SCN9A: variants seen among roughly 807,000 people sequenced by gnomAD.
SCN9A encodes sodium channel protein type 9 subunit alpha.
A neutral mutation model predicts 187.0 loss-of-function variants in SCN9A; 131 were observed. That is an observed-to-expected ratio of 0.70 (90% CI 0.61 to 0.81). The LOEUF (loss-of-function observed/expected upper bound fraction) is 0.81, where lower values mean the gene tolerates loss of function less well. SCN9A is among the 30% of genes least tolerant of loss of function. The pLI, the probability that SCN9A is intolerant of heterozygous loss-of-function variation, is 0.00. For missense variants in SCN9A, 2,252 were observed against 2,396.6 expected, an observed-to-expected ratio of 0.94 and a Z score of 1.26; for synonymous variants, 809 against 808.6, an observed-to-expected ratio of 1.00 and a Z score of -0.01.
chr2:166,227,540 C>T (rs1694890394), intron 23 of SCN9A, 130 bp downstream of exon 23: 5 of 666,490 alleles, frequency 7.5e-6, no homozygotes, highest in Non-Finnish European at 1.1e-5. Flanking sequence ...CACTAGGCTA[C>T]TATCAGGTGG....
At position 166,242,493 on chromosome 2, in the gene SCN9A, A is replaced by T. The variant is rs1695608870; in HGVS notation, c.3627+9T>A. ...ATCAATATATTGACTTAGGTGTCAG[A>T]TCATTTACCAGGGCACCACTGCTGA... On this transcript the variant is annotated intron_variant, in intron 19 of 26. Transcript: ENST00000642356. 6.4e-7 allele frequency: 1 copy of T among 1,566,004 alleles called. No individual in the cohort carries two copies. The highest frequency in any genetic ancestry group is 8.7e-7 in the Non-Finnish European group (1 of 1,153,472).
At chr2:166,267,407 G>T (rs1696788312) in intron 17 of SCN9A, among the ~76,000 whole-genome samples, 1 of 151,834 alleles carries the variant, frequency 6.6e-6, no homozygotes, top group South Asian at 2.1e-4. Context: ...ACGATTTCCA[G>T]TTGAGCATGG....
At chr2:166,292,378 T>G (rs1559018647) in intron 9 of SCN9A, among the ~76,000 whole-genome samples, 1 of 152,134 alleles carries the variant, frequency 6.6e-6, no homozygotes, top group Non-Finnish European at 1.5e-5. Flanking sequence ...TATTTGTGTT[T>G]CTTTAATTTT....
intron 1 of SCN9A, among the ~76,000 whole-genome samples, chr2:166,363,085 C>G (rs1401909631): frequency 6.6e-6 from 1 of 151,966 alleles, no homozygotes; most frequent in Non-Finnish European, 1.5e-5. Context: ...TAAACACTAA[C>G]CTTAAAACTT....
intron 1 of SCN9A, among the ~76,000 whole-genome samples, chr2:166,340,595 TTTCTTTC>T (rs1164723543): frequency 1.3e-5 from 1 of 78,212 alleles, no homozygotes; most frequent in East Asian, 3.1e-4. Flanking sequence ...TCTTTCTTTC[TTTCTTTC>T]TTTTTCTTTC....
intron 24 of SCN9A, among the ~76,000 whole-genome samples, chr2:166,209,483 T>TAC (rs570218645): frequency 3.7e-4 from 56 of 151,882 alleles, no homozygotes; most frequent in African/African-American, 1.2e-3. Flanking sequence ...AAAGAAACTA[T>TAC]ACACACACAC....
chr2:166,235,892 C>G (rs568069913), intron 20 of SCN9A, among the ~76,000 whole-genome samples: 4 of 152,088 alleles, frequency 2.6e-5, no homozygotes, highest in African/African-American at 9.7e-5. Context: ...TGAGAATCAT[C>G]ACTTTAAATT....
Position 166,195,224 on chromosome 2 carries a change from ATG to A in SCN9A, c.*3446_*3447del, listed in dbSNP as rs1221150927. On this transcript the variant is annotated 3_prime_UTR_variant, in exon 27 of 27. Transcript: ENST00000642356. ...ACTTTTATTCTTAGATTATATTACAATGTGTCAGTCTCAAGTATAACTACAAT... is the reference window on the plus strand; with the variant it reads ...ACTTTTATTCTTAGATTATATTACAATGTCAGTCTCAAGTATAACTACAAT... 6.6e-6 allele frequency: 1 copy of A among 152,226 alleles called. No homozygotes were observed. Among genetic ancestry groups the A allele is most frequent in the Non-Finnish European group, 1.5e-5 (1 of 68,038 alleles). 9.4% of individuals were successfully genotyped at this position (152,226 alleles called of 1,614,324 possible).
intron 7 of SCN9A, chr2:166,302,846 AT>A (rs1698615693): frequency 4.1e-6 from 1 of 242,070 alleles, no homozygotes; most frequent in Non-Finnish European, 7.8e-6. Context: ...ATTCTTTTTT[AT>A]GATATAGAAA....
intron 21 of SCN9A, among the ~76,000 whole-genome samples, chr2:166,231,055 C>T (rs949576781): frequency 4.6e-5 from 7 of 152,264 alleles, no homozygotes; most frequent in Middle Eastern, 3.4e-3. Flanking sequence ...TAGACATTTG[C>T]CTCTCAAAAT....
chr2:166,301,808 C>A (rs1698566349), intron 7 of SCN9A: 1 of 150,726 alleles, frequency 6.6e-6, no homozygotes, highest in African/African-American at 2.5e-5. Context: ...ATGTTTGTAA[C>A]AATCAGAAAC....
Position 166,272,501 on chromosome 2 carries a change from G to C in SCN9A, c.3249C>G (p.Pro1083=). Residue 1083 remains proline (P), a synonymous_variant, in exon 17 of 27, where the codon CCC becomes CCG. Coordinates refer to ENST00000642356, the MANE Select transcript of SCN9A (RefSeq NM_001365536.1). ...CAATTGGCACTGTCACTGTGAGGCT[G>C]GGATTGTGAATAAATGATTGACCAT... ...DSDGQSFIHN[P]SLTVTVPIAP... The C allele has an allele frequency of 6.2e-7, 1 of 1,613,182 alleles. No individual in the cohort carries two copies. The highest frequency in any genetic ancestry group is 8.5e-7 in the Non-Finnish European group (1 of 1,179,618).
At chr2:166,241,030 T>G (rs1010481320) in intron 19 of SCN9A, among the ~76,000 whole-genome samples, 1 of 152,142 alleles carries the variant, frequency 6.6e-6, no homozygotes, top group Non-Finnish European at 1.5e-5. Flanking sequence ...CTCATGCTAC[T>G]TTCCACACAT....
rs564833136 is a variant in SCN9A, at chr2:166,370,557, TA to T, written c.-51+5139del. 4.4e-3 allele frequency among the ~76,000 whole-genome samples: 612 copies of T among 138,322 alleles called. 4 individuals are homozygous for T. Among genetic ancestry groups the T allele is most frequent in the African/African-American group, 0.012 (457 of 36,862 alleles). The allele number at this position is 138,322 out of a possible 152,430, so 90.7% of individuals were successfully genotyped here. A position where few individuals can be genotyped will look rare whatever the true frequency, so the allele number is the denominator to read the frequency against. Reference sequence around the variant, plus strand: ...GACTCCGTCTCAAAAAAATAAAAAATAAAAAAAAAAAAGAATCTTTAAAAAT... The same window carrying T: ...GACTCCGTCTCAAAAAAATAAAAAATAAAAAAAAAAAGAATCTTTAAAAAT... On this transcript the variant is annotated intron_variant, in intron 1 of 26. Transcript: ENST00000642356.
At chr2:166,221,812 A>G (rs1436811070) in intron 24 of SCN9A, among the ~76,000 whole-genome samples, 1 of 152,140 alleles carries the variant, frequency 6.6e-6, no homozygotes, top group Non-Finnish European at 1.5e-5. Flanking sequence ...CCAGAAATAA[A>G]CCCATGCATA....
At chr2:166,322,309 A>G (rs1699264945) in intron 1 of SCN9A, among the ~76,000 whole-genome samples, 1 of 152,186 alleles carries the variant, frequency 6.6e-6, no homozygotes, top group Non-Finnish European at 1.5e-5. Flanking sequence ...TACAATATAT[A>G]TCATGAAGTG....
chr2:166,199,572 A>T lies in SCN9A; in HGVS notation c.5067T>A (p.Ile1689=), dbSNP rs765068868. Residue 1689 remains isoleucine (I), a synonymous_variant, in exon 27 of 27, where the codon ATT becomes ATA. Coordinates refer to ENST00000642356, the MANE Select transcript of SCN9A (RefSeq NM_001365536.1). ...FNFETFGNSM[I]CLFQITTSAG... ...CAGAGGTTGTAATTTGGAACAGGCA[A>T]ATCATACTGTTGCCAAAGGTCTCAA... 1.2e-6 allele frequency: 2 copies of T among 1,614,080 alleles called. No homozygotes were observed. Among genetic ancestry groups the T allele is most frequent in the South Asian group, 1.1e-5 (1 of 91,088 alleles).
At chr2:166,267,642 C>A (rs1051183327) in intron 17 of SCN9A, among the ~76,000 whole-genome samples, 6 of 151,772 alleles carry the variant, frequency 4.0e-5, no homozygotes, top group African/African-American at 1.5e-4. Context: ...AGTATTAGTT[C>A]TTCTTTAAAT....
intron 17 of SCN9A, among the ~76,000 whole-genome samples, chr2:166,262,654 G>T (rs529075334): frequency 1.3e-5 from 2 of 151,990 alleles, no homozygotes; most frequent in South Asian, 4.1e-4. Context: ...ATTACAGCTT[G>T]GGGTTTAAAT....
Sources: allele counts gnomAD v4.1 joint callset (sites outside exome capture counted in the v4.1 genomes callset), GRCh38; gene constraint gnomAD v4.1.1; transcripts MANE v1.5; gene names NCBI Gene and HGNC (gene_info 2026-07-23, HGNC 2026-07-21).